TNRC6B: variants seen among roughly 807,000 people sequenced by gnomAD.
The protein encoded by TNRC6B is trinucleotide repeat containing adaptor 6B.
In TNRC6B, 52 loss-of-function variants were observed where a neutral mutation model predicts 203.6. The ratio of observed to expected loss-of-function variants is 0.26; its 90% CI spans 0.20 to 0.32. The LOEUF is 0.32. Among genes scored for constraint, TNRC6B ranks in the 10% least tolerant of loss-of-function variants. The pLI is 1.00. For missense variants in TNRC6B, 1,923 were observed against 2,286.2 expected, an observed-to-expected ratio of 0.84 and a Z score of 3.24; for synonymous variants, 838 against 845.7, an observed-to-expected ratio of 0.99 and a Z score of 0.16.
chr22:40,238,503 A>G (rs5750911), intron 1 of TNRC6B, among the ~76,000 whole-genome samples: 49,100 of 151,772 alleles, frequency 0.32, 9,627 homozygotes, highest in East Asian at 0.57. Context: ...TTCTGGTCTC[A>G]TCCCTGCCAC....
intron 12 of TNRC6B, among the ~76,000 whole-genome samples, chr22:40,295,597 T>C (rs2070928657): frequency 6.6e-6 from 1 of 151,984 alleles, no homozygotes; most frequent in South Asian, 2.1e-4. Context: ...TGCCAAAGAA[T>C]GATGAAATGA....
At chr22:40,283,783 T>C (rs2070748775) in intron 11 of TNRC6B, among the ~76,000 whole-genome samples, 1 of 152,212 alleles carries the variant, frequency 6.6e-6, no homozygotes, top group South Asian at 2.1e-4. Flanking sequence ...GAATTGATTT[T>C]ACAGGAGATT....
At chr22:40,147,698 A>G (rs1033067822) in intron 3 of TNRC6B, among the ~76,000 whole-genome samples, 3 of 152,166 alleles carry the variant, frequency 2.0e-5, no homozygotes, top group Non-Finnish European at 2.9e-5. Flanking sequence ...TCCCAACACT[A>G]TTGCACTGGG....
intron 2 of TNRC6B, among the ~76,000 whole-genome samples, chr22:40,120,716 A>G (rs2068436186): frequency 2.6e-5 from 4 of 152,210 alleles, no homozygotes. Context: ...ACCAACAGAG[A>G]CTTAGCACAA....
intron 3 of TNRC6B, among the ~76,000 whole-genome samples, chr22:40,147,846 C>G (rs923799488): frequency 5.3e-5 from 8 of 152,026 alleles, no homozygotes; most frequent in Non-Finnish European, 8.8e-5. Context: ...AAGGTAGATT[C>G]GTGGTTGTCT....
intron 1 of TNRC6B, among the ~76,000 whole-genome samples, chr22:40,210,938 C>T (rs2069553174): frequency 6.6e-6 from 1 of 152,138 alleles, no homozygotes; most frequent in Admixed American, 6.5e-5. Context: ...ACCCTGCCAC[C>T]TCAGTCATGA....
chr22:40,325,327 A>G lies in TNRC6B; in HGVS notation c.*2086A>G, dbSNP rs1198908091. The G allele has an allele frequency of 2.0e-5, 3 of 152,646 alleles. No individual in the cohort carries two copies. In the East Asian group the frequency reaches 5.8e-4, roughly 29 times the overall value. 9.5% of individuals were successfully genotyped at this position (152,646 alleles called of 1,614,324 possible). A position where few individuals can be genotyped will look rare whatever the true frequency, so the allele number is the denominator to read the frequency against. On this transcript the variant is annotated 3_prime_UTR_variant, in exon 23 of 23. Coordinates refer to ENST00000454349, the MANE Select transcript of TNRC6B (RefSeq NM_001162501.2). The stretch of plus-strand genomic sequence containing the variant: ...GGGTGGGTGTGTATAGGAAAAGCCT[A>G]AAACAAGTTATTTGCATTTCAGTGG...
intron 1 of TNRC6B, among the ~76,000 whole-genome samples, chr22:40,084,595 T>C (rs960710503): frequency 6.6e-6 from 1 of 152,164 alleles, no homozygotes; most frequent in African/African-American, 2.4e-5. Context: ...CTTGGTGGCC[T>C]CTCTGAGGAG....
intron 7 of TNRC6B, 63 bp downstream of exon 7, chr22:40,273,663 G>C (rs911011021): frequency 4.1e-6 from 6 of 1,461,346 alleles, no homozygotes; most frequent in Non-Finnish European, 5.4e-6. Flanking sequence ...CTGAGGTTTT[G>C]TTTTGTTTGT....
At chr22:40,244,224 C>CA (rs1319985380) in intron 1 of TNRC6B, among the ~76,000 whole-genome samples, 1 of 152,182 alleles carries the variant, frequency 6.6e-6, no homozygotes, top group African/African-American at 2.4e-5. Context: ...TAAAGGAGGG[C>CA]ACTGCTGCTG....
At chr22:40,300,755 GA>G in intron 13 of TNRC6B, 154 bp from the exon 14 acceptor site, 1 of 1,228,916 alleles carries the variant, frequency 8.1e-7, no homozygotes. Context: ...TCAACTGGAG[GA>G]AAATGTAACC....
intron 1 of TNRC6B, among the ~76,000 whole-genome samples, chr22:40,095,606 C>T (rs774899811): frequency 6.6e-6 from 1 of 151,528 alleles, no homozygotes; most frequent in Non-Finnish European, 1.5e-5. Flanking sequence ...CCATGAAGCA[C>T]CCATAAATTT....
At position 40,312,953 on chromosome 22, in the gene TNRC6B, A is replaced by G. The variant is rs1190588285; in HGVS notation, c.4634A>G (p.Tyr1545Cys). The G allele has an allele frequency of 6.2e-7, 1 of 1,613,778 alleles. No individual in the cohort carries two copies. The highest frequency in any genetic ancestry group is 8.5e-7 in the Non-Finnish European group (1 of 1,179,868). ...CTGCCTTCACCTGGTGCCTGGCCCT[A>G]CAGTGCCTCTGACAACTCCTTTACC... ...TSLPSPGAWPYSASDNSFTNV... is the reference protein window; with the variant it reads ...TSLPSPGAWPCSASDNSFTNV... Residue 1545 changes from tyrosine to cysteine, a missense_variant, in exon 19 of 23, where the codon TAC (tyrosine) becomes TGC (cysteine). By Grantham distance (194) the Tyr-to-Cys change is radical. Around this residue, in one of 8 missense-constraint regions of TNRC6B, gnomAD observed 159 missense variants for 181.0 expected, o/e 0.88. Coordinates refer to ENST00000454349, the MANE Select transcript of TNRC6B (RefSeq NM_001162501.2).
intron 2 of TNRC6B, among the ~76,000 whole-genome samples, chr22:40,250,933 C>CTT (rs11330855): frequency 8.6e-4 from 114 of 133,204 alleles, no homozygotes; most frequent in Admixed American, 2.8e-3. Context: ...GAGTGGAATG[C>CTT]TTTTTTTTTT....
At chr22:40,320,977 A>C in intron 21 of TNRC6B, 113 bp from the exon 22 acceptor site, 1 of 1,255,462 alleles carries the variant, frequency 8.0e-7, no homozygotes, top group Non-Finnish European at 1.1e-6. Flanking sequence ...GCATTTATGG[A>C]AACTATTTGC....
chr22:40,094,956 T>C (rs1339808043), intron 1 of TNRC6B, among the ~76,000 whole-genome samples: 4 of 152,084 alleles, frequency 2.6e-5, no homozygotes, highest in African/African-American at 4.8e-5. Flanking sequence ...TACTGCAGTA[T>C]GTCTCGGAGA....
At chr22:40,299,400 C>A (rs2070992606) in intron 12 of TNRC6B, among the ~76,000 whole-genome samples, 1 of 152,104 alleles carries the variant, frequency 6.6e-6, no homozygotes. Flanking sequence ...CCATCACACC[C>A]AGCTAATTTT....
At chr22:40,150,021 G>T (rs751372362) in intron 3 of TNRC6B, among the ~76,000 whole-genome samples, 1 of 113,848 alleles carries the variant, frequency 8.8e-6, no homozygotes, top group Non-Finnish European at 1.7e-5. Context: ...TTTCGGTGGG[G>T]TGGAAAAAGT....
chr22:40,247,791 CTGGTG>C (rs59352004), intron 2 of TNRC6B, among the ~76,000 whole-genome samples: 17,789 of 152,142 alleles, frequency 0.12, 1,074 homozygotes, highest in South Asian at 0.15. Flanking sequence ...GCCAGATTGC[CTGGTG>C]TGGTGGCTCA....
Sources: gnomAD v4.1 joint callset for allele counts (sites outside exome capture counted in the v4.1 genomes callset) on GRCh38, gnomAD v4.1.1 for gene constraint, gnomAD v4.1.1 regional missense constraint, MANE v1.5 for transcripts, NCBI Gene and HGNC (gene_info 2026-07-23, HGNC 2026-07-21) for gene names.